Variants in PTPN4 observed in about 807,000 individuals in gnomAD.
PTPN4 encodes protein tyrosine phosphatase non-receptor type 4.
In PTPN4, 49 loss-of-function variants were observed where a neutral mutation model predicts 135.5. That is an observed-to-expected ratio of 0.36 (90% CI 0.29 to 0.46). PTPN4 has a LOEUF of 0.46. Among genes scored for constraint, PTPN4 ranks in the 20% least tolerant of loss-of-function variants. The probability of loss-of-function intolerance (pLI) is 1.00; values close to 1 mark genes in which losing one functional copy is unlikely to be tolerated. For missense variants in PTPN4, 860 were observed against 1,101.0 expected (o/e 0.78, Z 3.10); for synonymous variants, 333 against 369.9 (o/e 0.90, Z 1.14).
chr2:119,978,561 G>A lies in PTPN4; in HGVS notation c.*1491G>A, dbSNP rs942762316. The stretch of plus-strand genomic sequence containing the variant: ...TCCCATTAAGGATGTGGGAATTCCC[G>A]TATTTTCCTCTTCAGGTTTTTTTGT... On this transcript the variant is annotated 3_prime_UTR_variant, in exon 27 of 27. Coordinates refer to ENST00000263708, the MANE Select transcript of PTPN4 (RefSeq NM_002830.4). 15 of 152,106 alleles carry A rather than the reference G, an allele frequency of 9.9e-5. No homozygotes were observed. Among genetic ancestry groups the A allele is most frequent in the Non-Finnish European group, 2.1e-4 (14 of 67,986 alleles). 9.4% of individuals were successfully genotyped at this position (152,106 alleles called of 1,614,324 possible). A position where few individuals can be genotyped will look rare whatever the true frequency, so the allele number is the denominator to read the frequency against.
At position 119,981,028 on chromosome 2, in the gene PTPN4, T is replaced by G. The variant is rs1353850310; in HGVS notation, c.*3958T>G. On this transcript the variant is annotated 3_prime_UTR_variant, in exon 27 of 27. Coordinates refer to ENST00000263708, the MANE Select transcript of PTPN4 (RefSeq NM_002830.4). ...ACATTAGTTTATAACAATGTGCTAT[T>G]TAATATCTGTATTTTGAACATTTAA... The G allele has an allele frequency of 6.6e-6, 1 of 152,058 alleles. No homozygotes were observed. The highest frequency in any genetic ancestry group is 2.4e-5 in the African/African-American group (1 of 41,438). 9.4% of individuals were successfully genotyped at this position (152,058 alleles called of 1,614,324 possible).
chr2:119,895,796 A>C (rs113442371), intron 9 of PTPN4, among the ~76,000 whole-genome samples: 2 of 152,062 alleles, frequency 1.3e-5, no homozygotes, highest in African/African-American at 4.8e-5. Flanking sequence ...TGGCGGGCTC[A>C]GTCCCAGCTA....
chr2:119,767,921 A>T (rs1690659846), intron 1 of PTPN4, among the ~76,000 whole-genome samples: 2 of 152,096 alleles, frequency 1.3e-5, no homozygotes, highest in Non-Finnish European at 2.9e-5. Context: ...GGGAATTCTT[A>T]TGTGAGAAGA....
chr2:119,924,350 C>G (rs1189916410), intron 12 of PTPN4, among the ~76,000 whole-genome samples: 1 of 151,668 alleles, frequency 6.6e-6, no homozygotes, highest in Non-Finnish European at 1.5e-5. Context: ...ACCATAGTTT[C>G]ATTGTAATAA....
At chr2:119,865,388 A>G (rs1001474027) in intron 3 of PTPN4, among the ~76,000 whole-genome samples, 1 of 152,106 alleles carries the variant, frequency 6.6e-6, no homozygotes, top group African/African-American at 2.4e-5. Flanking sequence ...TACTTTCCTC[A>G]CTTATGATGA....
intron 1 of PTPN4, among the ~76,000 whole-genome samples, chr2:119,770,180 A>G (rs748500420): frequency 3.9e-5 from 6 of 152,206 alleles, no homozygotes; most frequent in Non-Finnish European, 8.8e-5. Context: ...GCTCTTTATC[A>G]TCAAGATTAT....
intron 1 of PTPN4, among the ~76,000 whole-genome samples, chr2:119,806,857 A>G (rs1691479539): frequency 6.6e-6 from 1 of 152,226 alleles, no homozygotes. Context: ...ATGTAAAAGA[A>G]CAGAAATCAC....
intron 10 of PTPN4, among the ~76,000 whole-genome samples, chr2:119,911,376 A>G (rs981635094): frequency 6.6e-6 from 1 of 152,196 alleles, no homozygotes; most frequent in Non-Finnish European, 1.5e-5. Context: ...AATTAACCAT[A>G]CTGTTATAAT....
rs1679709046 is a variant in PTPN4 at position 119,982,399 on chromosome 2, T to C, written c.*5329T>C. ...GATTCTAAGGATACTCTATTTGTTT[T>C]AAAGTCTACACGGGATTGAAAAGAA... On this transcript the variant is annotated 3_prime_UTR_variant, in exon 27 of 27. Transcript: ENST00000263708. The C allele has an allele frequency of 6.6e-6, 1 of 152,208 alleles. No individual in the cohort carries two copies. Among genetic ancestry groups the C allele is most frequent in the Non-Finnish European group, 1.5e-5 (1 of 68,026 alleles). The allele number at this position is 152,208 out of a possible 1,614,324, so 9.4% of individuals were successfully genotyped here.
intron 10 of PTPN4, among the ~76,000 whole-genome samples, chr2:119,910,876 T>A (rs1326697913): frequency 6.6e-6 from 1 of 152,150 alleles, no homozygotes; most frequent in Non-Finnish European, 1.5e-5. Flanking sequence ...CGGGCATGTC[T>A]TTATTAGCAG....
At chr2:119,932,290 A>G in intron 13 of PTPN4, 134 bp from the exon 14 acceptor site, 1 of 864,454 alleles carries the variant, frequency 1.2e-6, no homozygotes, top group East Asian at 2.9e-5. Context: ...CTCTAAATGC[A>G]TTAATTTTTT....
intron 1 of PTPN4, among the ~76,000 whole-genome samples, chr2:119,796,474 G>A (rs1304440144): frequency 6.6e-6 from 1 of 151,698 alleles, no homozygotes; most frequent in Admixed American, 6.6e-5. Context: ...TCTTTTTTTG[G>A]TCTAATTTGT....
chr2:119,847,322 A>ATT (rs1677518068), intron 2 of PTPN4, among the ~76,000 whole-genome samples: 1 of 113,374 alleles, frequency 8.8e-6, no homozygotes, highest in Non-Finnish European at 1.8e-5. Flanking sequence ...ACACATATAT[A>ATT]TATATATTTT....
chr2:119,847,701 G>A (rs1326035619), intron 2 of PTPN4, among the ~76,000 whole-genome samples: 1 of 152,104 alleles, frequency 6.6e-6, no homozygotes, highest in African/African-American at 2.4e-5. Flanking sequence ...TCATATCACT[G>A]TCTGGGGTCA....
chr2:119,768,460 T>C (rs1246228132), intron 1 of PTPN4, among the ~76,000 whole-genome samples: 2 of 152,202 alleles, frequency 1.3e-5, no homozygotes, highest in African/African-American at 4.8e-5. Context: ...AGCTAGGAAA[T>C]ACATATATGT....
rs1047723751 is a variant in PTPN4 at position 119,983,771 on chromosome 2, T to C, written c.*6701T>C. On this transcript the variant is annotated 3_prime_UTR_variant, in exon 27 of 27. Coordinates refer to ENST00000263708, the MANE Select transcript of PTPN4 (RefSeq NM_002830.4). ...TGATCTTAGCTTTGCAGGTTTTCTG[T>C]AATTTATGTAGCACAATAAAGGATA... The C allele has an allele frequency of 1.3e-5, 2 of 152,206 alleles. No individual in the cohort carries two copies. Among genetic ancestry groups the C allele is most frequent in the African/African-American group, 2.4e-5 (1 of 41,452 alleles). 9.4% of individuals were successfully genotyped at this position (152,206 alleles called of 1,614,324 possible).
intron 1 of PTPN4, among the ~76,000 whole-genome samples, chr2:119,781,992 A>G (rs962092775): frequency 1.3e-5 from 2 of 152,218 alleles, no homozygotes; most frequent in African/African-American, 4.8e-5. Flanking sequence ...TTAGGGAGAA[A>G]GGAATTTTTT....
chr2:119,869,882 AC>A, intron 3 of PTPN4, among the ~76,000 whole-genome samples: 1 of 152,320 alleles, frequency 6.6e-6, no homozygotes, highest in South Asian at 2.1e-4. Context: ...GAAGAGTCAA[AC>A]CAGAGGAAAA....
rs115350166 is a variant in PTPN4 at position 119,852,388 on chromosome 2, A to G, written c.139-10148A>G. On this transcript the variant is annotated intron_variant, in intron 2 of 26. Transcript: ENST00000263708. Reference sequence around the variant, plus strand: ...CTTCCTTTGTTCAGTGTGCTCTTGCAGTTGTAACAGGTGCAGGCAACACCC... The same window carrying G: ...CTTCCTTTGTTCAGTGTGCTCTTGCGGTTGTAACAGGTGCAGGCAACACCC... 3.2e-3 allele frequency among the ~76,000 whole-genome samples: 493 copies of G among 152,336 alleles called. 2 individuals are homozygous for G. The highest frequency in any genetic ancestry group is 0.011 in the African/African-American group (466 of 41,572).
Sources: gnomAD v4.1 joint callset for allele counts (sites outside exome capture counted in the v4.1 genomes callset) on GRCh38, gnomAD v4.1.1 for gene constraint, MANE v1.5 for transcripts, NCBI Gene and HGNC (gene_info 2026-07-23, HGNC 2026-07-21) for gene names.